The following IQUB variants were observed in gnomAD, a reference collection of about 807,000 sequenced individuals.
IQUB encodes IQ motif and ubiquitin domain containing.
IQUB carries 86 observed loss-of-function variants against 86.4 expected under a neutral mutation model. The observed-to-expected ratio is 1.00, with a 90% confidence interval of 0.84 to 1.19. IQUB has a LOEUF of 1.19. IQUB is among the 50% of genes most tolerant of loss of function. The pLI is 0.00. For synonymous variants in IQUB, 289 were observed against 304.5 expected, an observed-to-expected ratio of 0.95 and a Z score of 0.53; for missense variants, 946 against 916.9, an observed-to-expected ratio of 1.03 and a Z score of -0.41.
intron 1 of IQUB, among the ~76,000 whole-genome samples, chr7:123,515,611 C>T (rs942686005): frequency 5.3e-5 from 8 of 152,090 alleles, no homozygotes; most frequent in Non-Finnish European, 1.2e-4. Context: ...TTTGCATCAC[C>T]CTAGTCTCAG....
intron 1 of IQUB, among the ~76,000 whole-genome samples, chr7:123,523,322 G>C (rs1797005904): frequency 7.2e-6 from 1 of 138,102 alleles, no homozygotes; most frequent in Non-Finnish European, 1.6e-5. Context: ...CCCACCAACA[G>C]TGTAAAAGTG....
chr7:123,464,519 C>A (rs1001248184), intron 10 of IQUB, among the ~76,000 whole-genome samples: 2 of 151,768 alleles, frequency 1.3e-5, no homozygotes, highest in Non-Finnish European at 2.9e-5. Flanking sequence ...AATAGCATTC[C>A]AGGGGAAACC....
intron 9 of IQUB, among the ~76,000 whole-genome samples, chr7:123,467,494 T>C (rs541585267): frequency 1.3e-5 from 2 of 152,250 alleles, no homozygotes; most frequent in African/African-American, 4.8e-5. Flanking sequence ...CTGAATCAAA[T>C]GACTAATTGT....
chr7:123,518,231 T>C (rs1447174301), intron 1 of IQUB, among the ~76,000 whole-genome samples: 4 of 152,176 alleles, frequency 2.6e-5, no homozygotes, highest in Non-Finnish European at 4.4e-5. Context: ...GTCTACTTTT[T>C]TCTGCCATCC....
chr7:123,528,584 C>A (rs1407631561), intron 1 of IQUB, among the ~76,000 whole-genome samples: 1 of 152,002 alleles, frequency 6.6e-6, no homozygotes, highest in African/African-American at 2.4e-5. Context: ...TGTAGGAGTC[C>A]ATGGGGGATT....
At chr7:123,511,684 T>G (rs1192673960) in intron 2 of IQUB, among the ~76,000 whole-genome samples, 1 of 152,144 alleles carries the variant, frequency 6.6e-6, no homozygotes, top group Non-Finnish European at 1.5e-5. Context: ...AAACCTACTT[T>G]CTTTGAAAAA....
At chr7:123,502,521 G>A in intron 6 of IQUB, 76 bp downstream of exon 6, 2 of 1,310,564 alleles carry the variant, frequency 1.5e-6, no homozygotes, top group Non-Finnish European at 2.2e-6. Flanking sequence ...ATGTGGCTTG[G>A]AGAAAGAGAC....
rs1307996112 is a variant in IQUB, at chr7:123,496,911, A to G, written c.1024-5T>C. 6.4e-7 allele frequency: 1 copy of G among 1,570,002 alleles called. No homozygotes were observed. The highest frequency in any genetic ancestry group is 1.9e-5 in the Admixed American group (1 of 53,470). ...GTAAGTCTGTATCACTATCACCTATAGTTAAATTAAAAGGAAATAGAAAGT... is the reference window on the plus strand; with the variant it reads ...GTAAGTCTGTATCACTATCACCTATGGTTAAATTAAAAGGAAATAGAAAGT... On this transcript the variant is annotated splice_region_variant and splice_polypyrimidine_tract_variant and intron_variant, in intron 6 of 12. Transcript: ENST00000324698.
chr7:123,454,422 A>G (rs943815358), intron 12 of IQUB, among the ~76,000 whole-genome samples: 1 of 152,098 alleles, frequency 6.6e-6, no homozygotes, highest in African/African-American at 2.4e-5. Flanking sequence ...ACTAAGTCTC[A>G]GAGTCATTTA....
intron 3 of IQUB, among the ~76,000 whole-genome samples, chr7:123,508,299 A>T (rs1251328350): frequency 6.6e-6 from 1 of 152,202 alleles, no homozygotes; most frequent in Admixed American, 6.5e-5. Flanking sequence ...CCTTGAATTT[A>T]TCTCAATGAA....
chr7:123,533,681 T>G (rs1797642890), intron 1 of IQUB, among the ~76,000 whole-genome samples: 1 of 152,148 alleles, frequency 6.6e-6, no homozygotes. Flanking sequence ...CAGTCTTAAG[T>G]GTAAAAGCCA....
At chr7:123,470,668 G>A (rs1001789620) in intron 8 of IQUB, among the ~76,000 whole-genome samples, 1 of 151,954 alleles carries the variant, frequency 6.6e-6, no homozygotes, top group African/African-American at 2.4e-5. Context: ...TGGCTAACAC[G>A]GTGAAACCCC....
At chr7:123,461,228 C>A in intron 11 of IQUB, 129 bp downstream of exon 11, 1 of 945,754 alleles carries the variant, frequency 1.1e-6, no homozygotes, top group Non-Finnish European at 1.6e-6. Flanking sequence ...CCTGCCCTCA[C>A]AGAGCTTACA....
intron 8 of IQUB, among the ~76,000 whole-genome samples, chr7:123,470,288 G>T (rs1286192341): frequency 6.6e-6 from 1 of 152,086 alleles, no homozygotes; most frequent in African/African-American, 2.4e-5. Flanking sequence ...CCACTTTAGG[G>T]TACAAAGCTG....
At chr7:123,501,175 C>T (rs943883722) in intron 6 of IQUB, 7 of 152,162 alleles carry the variant, frequency 4.6e-5, no homozygotes, top group African/African-American at 1.7e-4. Flanking sequence ...CTTTTCCCTT[C>T]TTCTCACATG....
intron 1 of IQUB, chr7:123,532,795 C>T (rs1797597528): frequency 6.6e-6 from 1 of 152,206 alleles, no homozygotes; most frequent in Non-Finnish European, 1.5e-5. Context: ...TAACCTCCTC[C>T]TTCTCCAGCC....
intron 3 of IQUB, among the ~76,000 whole-genome samples, chr7:123,508,029 G>T (rs1186792039): frequency 6.6e-6 from 1 of 152,156 alleles, no homozygotes; most frequent in African/African-American, 2.4e-5. Flanking sequence ...GAGTTGGAAA[G>T]ATTTTCCTGG....
chr7:123,505,153 TG>T (rs1418770181), intron 3 of IQUB, among the ~76,000 whole-genome samples: 3 of 152,098 alleles, frequency 2.0e-5, no homozygotes, highest in Admixed American at 2.0e-4. Context: ...ATGCAAGGGG[TG>T]GGCCCCCAAG....
intron 8 of IQUB, among the ~76,000 whole-genome samples, chr7:123,478,669 G>T (rs566480006): frequency 6.6e-6 from 1 of 152,222 alleles, no homozygotes; most frequent in South Asian, 2.1e-4. Context: ...ATTTGAGGAG[G>T]TATTAAACAA....
Sources: allele counts gnomAD v4.1 joint callset (sites outside exome capture counted in the v4.1 genomes callset), GRCh38; gene constraint gnomAD v4.1.1; transcripts MANE v1.5; gene names NCBI Gene and HGNC (gene_info 2026-07-23, HGNC 2026-07-21).